GRB14: variants seen among roughly 807,000 people sequenced by gnomAD.
The protein encoded by GRB14 is growth factor receptor bound protein 14, also known as growth factor receptor-bound protein 14.
Under a neutral mutation model 69.1 loss-of-function variants are expected in GRB14, and 38 were observed. The ratio of observed to expected loss-of-function variants is 0.55; its 90% confidence interval spans 0.42 to 0.72. The LOEUF (loss-of-function observed/expected upper bound fraction) is 0.72. Ranked by LOEUF, GRB14 falls within the 30% of genes least tolerant of loss-of-function variation. The probability of loss-of-function intolerance (pLI) is 0.00; values close to 1 mark genes in which losing one functional copy is unlikely to be tolerated. For missense variants in GRB14, 666 were observed against 666.1 expected (o/e 1.00, Z 0.00); for synonymous variants, 247 against 241.3 (o/e 1.02, Z -0.22).
At chr2:164,598,515 T>A (rs1171886695) in intron 2 of GRB14, among the ~76,000 whole-genome samples, 1 of 152,198 alleles carries the variant, frequency 6.6e-6, no homozygotes, top group Non-Finnish European at 1.5e-5. Context: ...TGTAACTTTT[T>A]ATAATCGTTT....
intron 2 of GRB14, among the ~76,000 whole-genome samples, chr2:164,568,671 C>T (rs888000961): frequency 6.6e-6 from 1 of 152,130 alleles, no homozygotes; most frequent in Non-Finnish European, 1.5e-5. Context: ...GCATCTAGTT[C>T]GCTCAACTTT....
rs150214336 is a variant in GRB14, at chr2:164,506,932, CACAG to C, written c.1023+1519_1023+1522del. 8.1e-3 allele frequency among the ~76,000 whole-genome samples: 1,238 copies of C among 152,240 alleles called. 17 individuals carry two copies. Among genetic ancestry groups the C allele is most frequent in the African/African-American group, 0.028 (1,170 of 41,546 alleles). On this transcript the variant is annotated intron_variant, in intron 8 of 13. Transcript: ENST00000263915. Reference sequence around the variant, plus strand: ...GAAATACCTACAATAGGTAAATCCACACAGACAGAGGCAAATTGGTGATTGCTAG... The same window carrying C: ...GAAATACCTACAATAGGTAAATCCACACAGAGGCAAATTGGTGATTGCTAG...
intron 3 of GRB14, among the ~76,000 whole-genome samples, chr2:164,546,064 TGTG>T: frequency 6.6e-6 from 1 of 152,342 alleles, no homozygotes; most frequent in East Asian, 1.9e-4. Context: ...TGACTCAAAA[TGTG>T]GTCCAAATGA....
At chr2:164,596,919 AT>A (rs1558876590) in intron 2 of GRB14, among the ~76,000 whole-genome samples, 1 of 152,174 alleles carries the variant, frequency 6.6e-6, no homozygotes, top group African/African-American at 2.4e-5. Context: ...TAAAAAAAAA[AT>A]GATTCCTAGA....
At chr2:164,542,837 T>G (rs141076334) in intron 3 of GRB14, among the ~76,000 whole-genome samples, 28 of 152,246 alleles carry the variant, frequency 1.8e-4, no homozygotes, top group African/African-American at 6.3e-4. Flanking sequence ...TTTGGAGATT[T>G]CTCAAAAAAT....
At chr2:164,599,276 C>T (rs1689860098) in intron 2 of GRB14, among the ~76,000 whole-genome samples, 1 of 148,566 alleles carries the variant, frequency 6.7e-6, no homozygotes, top group Non-Finnish European at 1.5e-5. Context: ...AGCCTTGGAC[C>T]AGAAATGGTC....
In GRB14 at chr2:164,621,440, G is replaced by T. The variant is rs891903335; in HGVS notation, c.-131C>A. On this transcript the variant is annotated 5_prime_UTR_variant, in exon 1 of 14. Coordinates refer to ENST00000263915, the MANE Select transcript of GRB14 (RefSeq NM_004490.3). The surrounding 1 kb of genome is among the most constrained non-coding windows in gnomAD (Gnocchi z 6.0). Reference sequence around the variant, plus strand: ...CAGGTGTGGTGGCCTCGCCGCCTGCGCTCGGGGCCCCGGCGGCTGAGACGC... The same window carrying T: ...CAGGTGTGGTGGCCTCGCCGCCTGCTCTCGGGGCCCCGGCGGCTGAGACGC... 2.9e-4 allele frequency: 204 copies of T among 705,988 alleles called. No homozygotes were observed. Among genetic ancestry groups the T allele is most frequent in the Non-Finnish European group, 3.2e-4 (166 of 511,190 alleles). The allele number at this position is 705,988 out of a possible 1,614,324, so 43.7% of individuals were successfully genotyped here.
At chr2:164,553,046 C>T (rs2105315365) in intron 2 of GRB14, among the ~76,000 whole-genome samples, 1 of 152,320 alleles carries the variant, frequency 6.6e-6, no homozygotes, top group South Asian at 2.1e-4. Flanking sequence ...AAAATGTTCT[C>T]TGCACCTCCT....
At chr2:164,524,966 T>C (rs1444226945) in intron 5 of GRB14, 38 bp downstream of exon 5, 3 of 1,123,808 alleles carry the variant, frequency 2.7e-6, no homozygotes, top group African/African-American at 1.6e-5. Flanking sequence ...TCCTTCATTA[T>C]GCTATTATTT....
intron 13 of GRB14, 123 bp downstream of exon 13, chr2:164,494,308 A>G: frequency 3.2e-6 from 2 of 625,430 alleles, no homozygotes; most frequent in Non-Finnish European, 5.8e-6. Flanking sequence ...ACAAGCTGCC[A>G]AATTATATTT....
intron 2 of GRB14, among the ~76,000 whole-genome samples, chr2:164,610,963 G>A (rs1690154991): frequency 6.8e-6 from 1 of 146,830 alleles, no homozygotes; most frequent in Admixed American, 6.8e-5. Flanking sequence ...GAAATCTAGA[G>A]AATAAAGAGG....
At chr2:164,504,608 G>A (rs1687143349) in intron 8 of GRB14, among the ~76,000 whole-genome samples, 2 of 152,134 alleles carry the variant, frequency 1.3e-5, no homozygotes, top group Non-Finnish European at 2.9e-5. Flanking sequence ...GTTCTCACAG[G>A]TTCCAGATAA....
In GRB14 at chr2:164,544,598, A is replaced by G. The variant is rs555149117; in HGVS notation, c.481+3062T>C. Among the ~76,000 whole-genome samples the G allele has an allele frequency of 5.9e-5, 9 of 152,370 alleles. 1 individual carries two copies. In the South Asian group the frequency reaches 1.9e-3, roughly 32 times the overall value. On this transcript the variant is annotated intron_variant, in intron 3 of 13. Transcript: ENST00000263915. Reference sequence around the variant, plus strand: ...AGTCACAAGTGGCAATGAAGAAAATATATGTTGAGCCTCTTCTGTCCTAGA... The same window carrying G: ...AGTCACAAGTGGCAATGAAGAAAATGTATGTTGAGCCTCTTCTGTCCTAGA...
intron 2 of GRB14, among the ~76,000 whole-genome samples, chr2:164,570,518 T>C (rs1388611863): frequency 1.3e-5 from 2 of 152,020 alleles, no homozygotes; most frequent in Admixed American, 1.3e-4. Flanking sequence ...AGACTAACAG[T>C]GATTAAATGC....
At chr2:164,576,414 A>G (rs2105334288) in intron 2 of GRB14, among the ~76,000 whole-genome samples, 1 of 152,104 alleles carries the variant, frequency 6.6e-6, no homozygotes, top group South Asian at 2.1e-4. Context: ...TGGTTTAAAA[A>G]AAAACTTGAT....
At chr2:164,510,277 T>A (rs979229131) in intron 6 of GRB14, among the ~76,000 whole-genome samples, 20 of 152,052 alleles carry the variant, frequency 1.3e-4, no homozygotes, top group African/African-American at 1.9e-4. Flanking sequence ...GTATGATGAG[T>A]TTTTTTCTCT....
intron 2 of GRB14, 62 bp downstream of exon 2, chr2:164,619,625 T>TA: frequency 8.7e-7 from 1 of 1,151,108 alleles, no homozygotes; most frequent in South Asian, 1.5e-5. Context: ...CGGAACACCT[T>TA]AAAGACTGTA....
rs536561274 is a variant in GRB14, at chr2:164,523,956, G to T, written c.678+1048C>A. On this transcript the variant is annotated intron_variant, in intron 5 of 13. Transcript: ENST00000263915. The stretch of plus-strand genomic sequence containing the variant: ...GAGGGCTGAGATCTGAAAGTCCTGG[G>T]GCACAGCTGCTGCTGCCATTTACCT... 4.6e-5 allele frequency among the ~76,000 whole-genome samples: 7 copies of T among 152,128 alleles called. No homozygotes were observed. In the East Asian group the frequency reaches 1.4e-3, roughly 29 times the overall value.
chr2:164,521,147 T>C (rs1294010219), intron 6 of GRB14, among the ~76,000 whole-genome samples: 2 of 151,926 alleles, frequency 1.3e-5, no homozygotes, highest in Admixed American at 6.6e-5. Flanking sequence ...AATTGTGAGA[T>C]AGACAGACAG....
Sources: gnomAD v4.1 joint callset for allele counts (sites outside exome capture counted in the v4.1 genomes callset) on GRCh38, gnomAD v4.1.1 for gene constraint, Gnocchi (gnomAD v3.1) non-coding constraint, MANE v1.5 for transcripts, NCBI Gene and HGNC (gene_info 2026-07-23, HGNC 2026-07-21) for gene names.